Variants in SMPD4 observed in about 807,000 individuals in gnomAD.
The protein encoded by SMPD4 is neutral sphingomyelinase 3.
A neutral mutation model predicts 97.8 loss-of-function variants in SMPD4; 58 were observed. That is an observed-to-expected ratio of 0.59 (90% CI 0.48 to 0.74). The LOEUF (loss-of-function observed/expected upper bound fraction) is 0.74. Among genes scored for constraint, SMPD4 ranks in the 30% least tolerant of loss-of-function variants. The probability of loss-of-function intolerance (pLI) is 0.00; values close to 1 mark genes in which losing one functional copy is unlikely to be tolerated. For missense variants in SMPD4, 853 were observed against 1,080.5 expected, an observed-to-expected ratio of 0.79 and a Z score of 2.95; for synonymous variants, 388 against 450.0, an observed-to-expected ratio of 0.86 and a Z score of 1.74.
chr2:130,171,486 G>A (rs577697812), intron 8 of SMPD4, among the ~76,000 whole-genome samples: 15 of 152,288 alleles, frequency 9.8e-5, no homozygotes, highest in African/African-American at 3.4e-4. Context: ...AAAACTGCTT[G>A]GCAGCTGAAT....
At chr2:130,156,830 C>T in intron 12 of SMPD4, 155 bp from the exon 13 acceptor site, 2 of 1,543,502 alleles carry the variant, frequency 1.3e-6, no homozygotes, top group Non-Finnish European at 1.7e-6. Context: ...AGGAAGAAAT[C>T]AAGGTTCAGA....
intron 6 of SMPD4, 43 bp downstream of exon 6, chr2:130,172,744 G>A (rs1341865925): frequency 1.2e-6 from 2 of 1,614,144 alleles, no homozygotes; most frequent in East Asian, 2.2e-5. Context: ...GTCAAGTGCT[G>A]GGCCACCCAC....
chr2:130,180,454 C>G (rs1322294725), intron 1 of SMPD4, among the ~76,000 whole-genome samples: 1 of 151,026 alleles, frequency 6.6e-6, no homozygotes, highest in Non-Finnish European at 1.5e-5. Flanking sequence ...GTATTTTTTA[C>G]TAGAGACGAG....
intron 10 of SMPD4, among the ~76,000 whole-genome samples, chr2:130,162,925 A>G (rs1418516062): frequency 6.6e-6 from 1 of 152,208 alleles, no homozygotes; most frequent in East Asian, 1.9e-4. Context: ...GCCAAGAGGA[A>G]GCAAATGTGG....
At chr2:130,179,543 C>T (rs2104932207) in intron 1 of SMPD4, among the ~76,000 whole-genome samples, 1 of 152,192 alleles carries the variant, frequency 6.6e-6, no homozygotes, top group African/African-American at 2.4e-5. Context: ...CCTGCCACCA[C>T]AGGCTGCCTA....
intron 15 of SMPD4, 77 bp from the exon 16 acceptor site, chr2:130,154,559 T>C: frequency 6.5e-7 from 1 of 1,545,454 alleles, no homozygotes; most frequent in Non-Finnish European, 8.8e-7. Flanking sequence ...GATTCTGGGG[T>C]GTCTCTGAGG....
At position 130,181,602 on chromosome 2, in the gene SMPD4, C is replaced by G; in HGVS notation, c.-118G>C. 1 of 1,599,568 alleles carries G rather than the reference C, an allele frequency of 6.3e-7. No homozygotes were observed. Among genetic ancestry groups the G allele is most frequent in the Non-Finnish European group, 8.5e-7 (1 of 1,174,008 alleles). On this transcript the variant is annotated 5_prime_UTR_variant, in exon 1 of 20. Transcript: ENST00000680298. ...CCGCCACGGCGCCGAAAGTCGTCAT[C>G]AAGCTGCGCGCAGAGCCACGCCCCG...
At chr2:130,177,136 A>G (rs1190735665) in intron 1 of SMPD4, among the ~76,000 whole-genome samples, 1 of 152,192 alleles carries the variant, frequency 6.6e-6, no homozygotes, top group African/African-American at 2.4e-5. Context: ...GCTGCAGTAC[A>G]GTGGTGCGAT....
chr2:130,161,496 C>A (rs1486823328), intron 10 of SMPD4, among the ~76,000 whole-genome samples: 3 of 152,186 alleles, frequency 2.0e-5, no homozygotes, highest in Non-Finnish European at 4.4e-5. Flanking sequence ...AGCGCAGCAC[C>A]CCCCTCCACA....
chr2:130,170,458 C>CAAAAAAAAAAAAAAAAAAAAAAAAA (rs556058599), intron 8 of SMPD4, among the ~76,000 whole-genome samples: 1 of 64,676 alleles, frequency 1.5e-5, no homozygotes, highest in Non-Finnish European at 2.9e-5. Context: ...AAGACCCTGT[C>CAAAAAAAAAAAAAAAAAAAAAAAAA]AAAAAAAAAA....
At chr2:130,164,494 A>G in intron 9 of SMPD4, 49 bp from the exon 10 acceptor site, 2 of 1,485,986 alleles carry the variant, frequency 1.3e-6, no homozygotes, top group Non-Finnish European at 1.9e-6. Context: ...ATGGTGTCAG[A>G]CCATCCAGTG....
intron 14 of SMPD4, 62 bp from the exon 15 acceptor site, chr2:130,155,321 G>A (rs866917644): frequency 4.3e-5 from 69 of 1,596,622 alleles, no homozygotes; most frequent in Middle Eastern, 3.4e-4. Context: ...CCTAATGCCC[G>A]GTCCGTGCCC....
rs1686318274 is a variant in SMPD4, at chr2:130,152,415, C to T, written c.*140G>A. ...TCTTGGTTGCGTTTCCTCCAGATGC[C>T]TCTGCGGCTGCAGGAACCCCGCTCC... On this transcript the variant is annotated 3_prime_UTR_variant, in exon 20 of 20. Transcript: ENST00000680298. The T allele has an allele frequency of 1.0e-6, 1 of 997,018 alleles. No individual in the cohort carries two copies. Among genetic ancestry groups the T allele is most frequent in the African/African-American group, 1.6e-5 (1 of 61,108 alleles). 61.8% of individuals were successfully genotyped at this position (997,018 alleles called of 1,614,324 possible).
At chr2:130,181,423 C>T in intron 1 of SMPD4, 107 bp downstream of exon 1, 2 of 1,502,058 alleles carry the variant, frequency 1.3e-6, no homozygotes, top group South Asian at 2.5e-5. Context: ...GCCGGCTGGC[C>T]GGCCCGAGTC....
Position 130,156,058 on chromosome 2 carries a change from C to T in SMPD4, c.1266G>A (p.Gln422=). 6.2e-7 allele frequency: 1 copy of T among 1,611,512 alleles called. No individual in the cohort carries two copies. Among genetic ancestry groups the T allele is most frequent in the Non-Finnish European group, 8.5e-7 (1 of 1,179,882 alleles). Residue 422 remains glutamine (Q), a synonymous_variant, in exon 14 of 20, where the codon CAG becomes CAA. Transcript: ENST00000680298. ...ACCATTTCTCCGACACACACCGGGG[C>T]TGGGAGTCGCTGCCCGGAGCCTGCT... The part of the protein sequence containing the change: ...PDKQAPGSDS[Q]PRCVSEKWAP...
Position 130,181,280 on chromosome 2 carries a change from T to C in SMPD4, c.-46+250A>G, listed in dbSNP as rs1343638114. The C allele has an allele frequency of 2.2e-6, 3 of 1,392,256 alleles. No homozygotes were observed. The East Asian group carries it at 8.0e-5, about 37-fold the overall frequency. The allele number at this position is 1,392,256 out of a possible 1,614,324, so 86.2% of individuals were successfully genotyped here. On this transcript the variant is annotated intron_variant, in intron 1 of 19. Transcript: ENST00000680298. ...TCAATTCCTTCAACGAAGGTTAACC[T>C]TCAGCGAACACCTACCGGACCGGGA...
chr2:130,174,862 T>C lies in SMPD4; in HGVS notation c.126+52A>G, dbSNP rs1688820107. 3.7e-6 allele frequency: 5 copies of C among 1,361,736 alleles called. No homozygotes were observed. In the African/African-American group the frequency reaches 5.7e-5, roughly 16 times the overall value. 84.4% of individuals were successfully genotyped at this position (1,361,736 alleles called of 1,614,324 possible). On this transcript the variant is annotated intron_variant, in intron 3 of 19. Transcript: ENST00000680298. ...GAAATTAGGAATTATAATAAAGTTC[T>C]TCAACGAATGTATAAGACATGCTCC...
At chr2:130,167,325 T>C (rs1688031248) in intron 9 of SMPD4, 133 bp downstream of exon 9, 1 of 1,237,972 alleles carries the variant, frequency 8.1e-7, no homozygotes, top group Non-Finnish European at 1.1e-6. Flanking sequence ...TTCACCATGC[T>C]GGCCAGGTTG....
rs1040444389 is a variant in SMPD4, at chr2:130,161,039, G to A, written c.951+147C>T. On this transcript the variant is annotated intron_variant, in intron 11 of 19. Coordinates refer to ENST00000680298, the MANE Select transcript of SMPD4 (RefSeq NM_017951.5). ...AGCCAGGGGCCAAGCCAGGCTGGAG[G>A]CTGACCCCTGCCTCCCCCCGACACA... The A allele has an allele frequency of 1.4e-4, 97 of 683,514 alleles. No individual in the cohort carries two copies. In the African/African-American group the frequency reaches 1.7e-3, roughly 12 times the overall value. The allele number at this position is 683,514 out of a possible 1,614,324, so 42.3% of individuals were successfully genotyped here. A position where few individuals can be genotyped will look rare whatever the true frequency, so the allele number is the denominator to read the frequency against.
Sources: allele counts gnomAD v4.1 joint callset (sites outside exome capture counted in the v4.1 genomes callset), GRCh38; gene constraint gnomAD v4.1.1; transcripts MANE v1.5; gene names NCBI Gene and HGNC (gene_info 2026-07-23, HGNC 2026-07-21).